NCOA2: variants seen among roughly 807,000 people sequenced by gnomAD.
NCOA2 encodes the protein nuclear receptor coactivator 2.
A neutral mutation model predicts 145.1 loss-of-function variants in NCOA2; 21 were observed. That is an observed-to-expected ratio of 0.14 (90% CI 0.10 to 0.21). The LOEUF (loss-of-function observed/expected upper bound fraction) is 0.21. Ranked by LOEUF, NCOA2 falls within the 10% of genes least tolerant of loss-of-function variation. The probability of loss-of-function intolerance (pLI) is 1.00; values close to 1 mark genes in which losing one functional copy is unlikely to be tolerated. For synonymous variants in NCOA2, 619 were observed against 637.5 expected, an observed-to-expected ratio of 0.97 and a Z score of 0.44; for missense variants, 1,472 against 1,837.6, an observed-to-expected ratio of 0.80 and a Z score of 3.64.
intron 1 of NCOA2, among the ~76,000 whole-genome samples, chr8:70,307,663 GA>G (rs1827999796): frequency 6.6e-6 from 1 of 152,144 alleles, no homozygotes; most frequent in Admixed American, 6.5e-5. Context: ...TCTTGAGAGG[GA>G]AAGTTTTCTA....
chr8:70,266,915 A>G (rs1024054921), intron 2 of NCOA2, among the ~76,000 whole-genome samples: 1 of 152,212 alleles, frequency 6.6e-6, no homozygotes, highest in African/African-American at 2.4e-5. Flanking sequence ...CAAGGAGTTC[A>G]TTTATTCCAC....
intron 4 of NCOA2, among the ~76,000 whole-genome samples, chr8:70,183,124 A>G (rs11993276): frequency 0.82 from 124,301 of 152,074 alleles, 51,666 homozygotes; most frequent in Non-Finnish European, 0.9. Context: ...TCCACTCACT[A>G]AAGTTTTGGA....
At chr8:70,123,276 T>C (rs1343146153) in intron 21 of NCOA2, among the ~76,000 whole-genome samples, 1 of 152,218 alleles carries the variant, frequency 6.6e-6, no homozygotes, top group African/African-American at 2.4e-5. Context: ...AAATGAAGGA[T>C]CATTTCAAAC....
intron 2 of NCOA2, among the ~76,000 whole-genome samples, chr8:70,237,950 A>C (rs1458388300): frequency 6.6e-6 from 1 of 152,210 alleles, no homozygotes; most frequent in Non-Finnish European, 1.5e-5. Context: ...CAAAATAACC[A>C]GGGGATTTTA....
At chr8:70,437,560 A>T in the NCOA2 span, among the ~76,000 whole-genome samples, 7 of 152,252 alleles carry the variant, frequency 4.6e-5, no homozygotes, top group Admixed American at 2.0e-4. Context: ...GATGACATAC[A>T]AATTGTCCAA....
intron 4 of NCOA2, among the ~76,000 whole-genome samples, chr8:70,206,755 C>T (rs1818484428): frequency 6.6e-6 from 1 of 152,176 alleles, no homozygotes; most frequent in South Asian, 2.1e-4. Context: ...TGCTCCCATA[C>T]ATCTTATTCT....
intron 1 of NCOA2, among the ~76,000 whole-genome samples, chr8:70,385,473 GC>G (rs1322652748): frequency 1.3e-5 from 2 of 152,116 alleles, no homozygotes; most frequent in East Asian, 3.9e-4. Context: ...CTGTCACCCA[GC>G]CTAGAGTGCA....
chr8:70,224,052 TA>T (rs1358616770), intron 2 of NCOA2, among the ~76,000 whole-genome samples: 1 of 152,226 alleles, frequency 6.6e-6, no homozygotes, highest in Admixed American at 6.5e-5. Flanking sequence ...ATTCAATATA[TA>T]ACTAATGCTC....
At chr8:70,217,613 A>AGTAAGAAAATAAAAAAAAAT (rs1285394449) in intron 2 of NCOA2, among the ~76,000 whole-genome samples, 1 of 151,528 alleles carries the variant, frequency 6.6e-6, no homozygotes, top group Non-Finnish European at 1.5e-5. Context: ...AATTCCTCTC[A>AGTAAGAAAATAAAAAAAAAT]GTAAGAAAAT....
chr8:70,195,772 C>T (rs751484069), intron 4 of NCOA2, among the ~76,000 whole-genome samples: 2 of 152,164 alleles, frequency 1.3e-5, no homozygotes, highest in Non-Finnish European at 2.9e-5. Flanking sequence ...TCCATTGCAT[C>T]CTGCTACACC....
At chr8:70,216,539 G>C in intron 3 of NCOA2, 121 bp downstream of exon 3, 2 of 778,988 alleles carry the variant, frequency 2.6e-6, no homozygotes, top group Non-Finnish European at 4.5e-6. Context: ...AGATTTAACT[G>C]TTAAGGAGAA....
intron 1 of NCOA2, among the ~76,000 whole-genome samples, chr8:70,302,748 C>A (rs1054929469): frequency 6.6e-6 from 1 of 152,012 alleles, no homozygotes; most frequent in Non-Finnish European, 1.5e-5. Context: ...TCTGAAAGTA[C>A]AATTAGTCAT....
At position 70,156,532 on chromosome 8, in the gene NCOA2, T is replaced by G. The variant is rs529240895; in HGVS notation, c.1833A>C (p.Glu611Asp). The change falls in exon 11 of 23, where the codon GAA becomes GAC. Residue 611 changes from glutamate (E) to aspartate (D), a missense_variant. By Grantham distance (45) the Glu-to-Asp change is conservative (BLOSUM62 2). Transcript: ENST00000452400. Reference sequence around the variant, plus strand: ...CCGGGGGCAGGTTGGGGTCATTTGTTTCCTTTTGCTCTCCAGGATGGCAGC... The same window carrying G: ...CCGGGGGCAGGTTGGGGTCATTTGTGTCCTTTTGCTCTCCAGGATGGCAGC... ...ESSCHPGEQK[E>D]TNDPNLPPAV... 7 of 1,613,878 alleles carry G rather than the reference T, an allele frequency of 4.3e-6. No individual in the cohort carries two copies. The South Asian group carries it at 6.6e-5, about 15-fold the overall frequency.
chr8:70,260,233 A>G (rs1824002523), intron 2 of NCOA2, among the ~76,000 whole-genome samples: 1 of 152,112 alleles, frequency 6.6e-6, no homozygotes, highest in Admixed American at 6.6e-5. Flanking sequence ...GCTGGAGAAC[A>G]GTGGTGTTAT....
At chr8:70,167,049 C>T (rs1813692217) in intron 6 of NCOA2, among the ~76,000 whole-genome samples, 1 of 151,948 alleles carries the variant, frequency 6.6e-6, no homozygotes, top group Non-Finnish European at 1.5e-5. Flanking sequence ...ACTTCTTTAC[C>T]CTGACTCCTT....
rs1184525646 is a variant in NCOA2 at position 70,268,764 on chromosome 8, T to C, written c.-20+27980A>G. Among the ~76,000 whole-genome samples, 6 of 152,230 alleles carry C rather than the reference T, an allele frequency of 3.9e-5. No individual in the cohort carries two copies. The East Asian group carries it at 1.2e-3, about 29-fold the overall frequency. On this transcript the variant is annotated intron_variant, in intron 2 of 22. Coordinates refer to ENST00000452400, the MANE Select transcript of NCOA2 (RefSeq NM_006540.4). ...ACAGAAAAGCACCTAACATGAATTC[T>C]GTACAAATCCTGCATTTTTAACATG...
intron 1 of NCOA2, among the ~76,000 whole-genome samples, chr8:70,367,657 T>C (rs1810837779): frequency 6.6e-6 from 1 of 152,198 alleles, no homozygotes; most frequent in African/African-American, 2.4e-5. Context: ...ATTCAAAGTG[T>C]TTGAAAATTA....
intron 13 of NCOA2, among the ~76,000 whole-genome samples, 175 bp downstream of exon 13, chr8:70,144,467 A>G (rs1810796732): frequency 6.6e-6 from 1 of 152,218 alleles, no homozygotes; most frequent in African/African-American, 2.4e-5. Context: ...TAGCTCACCC[A>G]AAGGCTTTCC....
intron 2 of NCOA2, among the ~76,000 whole-genome samples, chr8:70,264,411 CCT>C (rs1356687226): frequency 6.6e-6 from 1 of 151,904 alleles, no homozygotes; most frequent in Admixed American, 6.6e-5. Context: ...GGGTGGATCC[CCT>C]GATCCCAGGA....
Sources: gnomAD v4.1 joint callset for allele counts (sites outside exome capture counted in the v4.1 genomes callset) on GRCh38, gnomAD v4.1.1 for gene constraint, MANE v1.5 for transcripts, NCBI Gene and HGNC (gene_info 2026-07-23, HGNC 2026-07-21) for gene names.